The following DACH2 variants were observed in gnomAD, a reference collection of about 807,000 sequenced individuals.
DACH2 encodes dachshund family transcription factor 2.
DACH2 carries 17 observed loss-of-function variants against 35.8 expected under a neutral mutation model. That is an observed-to-expected ratio of 0.48 (90% CI 0.33 to 0.71). DACH2 has a LOEUF of 0.71. DACH2 is among the 30% of genes least tolerant of loss of function. The pLI is 0.02. For missense variants in DACH2, 469 were observed against 472.7 expected (o/e 0.99, Z 0.07); for synonymous variants, 195 against 177.3 (o/e 1.10, Z -0.79).
At chrX:86,484,375 TTG>T (rs1280936258) in intron 2 of DACH2, among the ~76,000 whole-genome samples, 1 of 111,778 alleles carries the variant, frequency 8.9e-6, no homozygotes, top group Non-Finnish European at 1.9e-5. Context: ...GTTTTGTGTG[TTG>T]TGGTGTGTCT....
intron 3 of DACH2, among the ~76,000 whole-genome samples, chrX:86,613,881 A>G (rs774297735): frequency 8.9e-6 from 1 of 111,935 alleles, no homozygotes; most frequent in African/African-American, 3.2e-5. Context: ...ATAAAATATT[A>G]TTCAGCATAT....
intron 3 of DACH2, among the ~76,000 whole-genome samples, chrX:86,578,908 T>A (rs2039468622): frequency 9.0e-6 from 1 of 111,628 alleles, no homozygotes; most frequent in Non-Finnish European, 1.9e-5. Context: ...TTTGACAAGT[T>A]TTTTAAATCA....
At chrX:86,450,859 T>C (rs2037364290) in intron 2 of DACH2, among the ~76,000 whole-genome samples, 1 of 111,657 alleles carries the variant, frequency 9.0e-6, no homozygotes, top group Non-Finnish European at 1.9e-5. Context: ...GTTGGCCATA[T>C]GTATGTCTTC....
intron 1 of DACH2, among the ~76,000 whole-genome samples, chrX:86,334,721 T>C (rs1378200919): frequency 1.8e-5 from 2 of 112,196 alleles, no homozygotes; most frequent in Non-Finnish European, 3.8e-5. Flanking sequence ...CTGTTCACTC[T>C]GATGATAGTT....
intron 1 of DACH2, among the ~76,000 whole-genome samples, chrX:86,367,521 C>T (rs2035823613): frequency 9.0e-6 from 1 of 111,582 alleles, no homozygotes; most frequent in Admixed American, 9.5e-5. Context: ...ATATTGTAGG[C>T]AGGTAGCCAA....
At chrX:86,563,451 G>C (rs938694110) in intron 3 of DACH2, among the ~76,000 whole-genome samples, 3 of 110,497 alleles carry the variant, frequency 2.7e-5, no homozygotes, top group Non-Finnish European at 5.7e-5. Context: ...GCTGTGTATA[G>C]ATCCAATAAT....
At chrX:86,248,935 A>C (rs1368639789) in intron 1 of DACH2, among the ~76,000 whole-genome samples, 1 of 111,388 alleles carries the variant, frequency 9.0e-6, no homozygotes, top group East Asian at 2.8e-4. Context: ...CAAAGTCAAC[A>C]ACAAAAAAAG....
chrX:86,390,402 A>T (rs147013796), intron 2 of DACH2, among the ~76,000 whole-genome samples: 1 of 110,953 alleles, frequency 9.0e-6, no homozygotes, highest in African/African-American at 3.3e-5. Context: ...GGAAACCTTG[A>T]CCTTGCTTTT....
intron 3 of DACH2, among the ~76,000 whole-genome samples, chrX:86,582,013 A>C (rs887202575): frequency 2.7e-5 from 3 of 111,743 alleles, no homozygotes; most frequent in Non-Finnish European, 3.8e-5. Context: ...TGCCATCCAC[A>C]CTCAAAGACA....
Position 86,217,579 on chromosome X carries a change from A to T in DACH2, c.488+68471A>T, listed in dbSNP as rs905727052. On this transcript the variant is annotated intron_variant, in intron 1 of 11. Transcript: ENST00000373125. Reference sequence around the variant, plus strand: ...AGTATACTAGAATTTCAGGGAACATAGTAATATACATATAAAATGCATACA... The same window carrying T: ...AGTATACTAGAATTTCAGGGAACATTGTAATATACATATAAAATGCATACA... Among the ~76,000 whole-genome samples the T allele has an allele frequency of 3.0e-4, 34 of 112,052 alleles. 1 individual carries two copies. The highest frequency in any genetic ancestry group is 1.1e-3 in the African/African-American group (33 of 30,966).
intron 6 of DACH2, among the ~76,000 whole-genome samples, chrX:86,725,196 AT>A (rs1310254258): frequency 3.6e-5 from 4 of 111,127 alleles, no homozygotes; most frequent in African/African-American, 1.3e-4. Flanking sequence ...TTTCATTTTG[AT>A]TCATTTCTTT....
intron 2 of DACH2, among the ~76,000 whole-genome samples, chrX:86,500,640 A>T (rs1216067337): frequency 8.9e-6 from 1 of 111,856 alleles, no homozygotes; most frequent in African/African-American, 3.2e-5. Flanking sequence ...GAAGGTGATT[A>T]ATCACCAATT....
At chrX:86,670,593 C>T (rs982194036) in intron 4 of DACH2, among the ~76,000 whole-genome samples, 3 of 111,724 alleles carry the variant, frequency 2.7e-5, no homozygotes, top group Non-Finnish European at 3.8e-5. Context: ...AATGGCCCTA[C>T]ATCTTAGGGA....
At chrX:86,552,785 C>T (rs2039067839) in intron 3 of DACH2, among the ~76,000 whole-genome samples, 2 of 110,457 alleles carry the variant, frequency 1.8e-5, no homozygotes, top group African/African-American at 6.6e-5. Flanking sequence ...TTCCTGGCTT[C>T]TATGTTAAGT....
chrX:86,152,387 T>C (rs1010200948), intron 1 of DACH2, among the ~76,000 whole-genome samples: 1 of 110,939 alleles, frequency 9.0e-6, no homozygotes, highest in African/African-American at 3.3e-5. Flanking sequence ...GACATTTTGA[T>C]TTGCTTCAGT....
intron 6 of DACH2, among the ~76,000 whole-genome samples, chrX:86,718,234 T>C (rs1025010957): frequency 8.9e-6 from 1 of 111,854 alleles, no homozygotes; most frequent in Non-Finnish European, 1.9e-5. Flanking sequence ...TAATTTGCGT[T>C]TCTCTGATAA....
At chrX:86,515,160 C>T (rs1249759249) in intron 3 of DACH2, among the ~76,000 whole-genome samples, 2 of 110,988 alleles carry the variant, frequency 1.8e-5, no homozygotes, top group African/African-American at 6.6e-5. Context: ...GTACTCATTT[C>T]TAGGCATTGT....
At chrX:86,456,850 G>A (rs1316355503) in intron 2 of DACH2, among the ~76,000 whole-genome samples, 1 of 110,566 alleles carries the variant, frequency 9.0e-6, no homozygotes, top group East Asian at 2.8e-4. Flanking sequence ...GAAATTGATA[G>A]GATACATAAT....
intron 3 of DACH2, among the ~76,000 whole-genome samples, chrX:86,575,360 G>C (rs1356505873): frequency 9.0e-6 from 1 of 110,943 alleles, no homozygotes; most frequent in African/African-American, 3.3e-5. Flanking sequence ...GGGGGGGGAA[G>C]CTTAAAATCC....
Sources: gnomAD v4.1 joint callset for allele counts (sites outside exome capture counted in the v4.1 genomes callset) on GRCh38, gnomAD v4.1.1 for gene constraint, MANE v1.5 for transcripts, NCBI Gene and HGNC (gene_info 2026-07-23, HGNC 2026-07-21) for gene names.